GTF3C4: variants seen among roughly 807,000 people sequenced by gnomAD.
GTF3C4 encodes the protein general transcription factor 3C polypeptide 4.
GTF3C4 carries 28 observed loss-of-function variants against 67.5 expected under a neutral mutation model. The ratio of observed to expected loss-of-function variants is 0.41; its 90% CI spans 0.31 to 0.57. GTF3C4 has a LOEUF of 0.57. GTF3C4 is among the 20% of genes least tolerant of loss of function. The pLI is 0.21. For synonymous variants in GTF3C4, 409 were observed against 393.0 expected (o/e 1.04, Z -0.48); for missense variants, 831 against 1,033.2 (o/e 0.80, Z 2.68).
At chr9:132,684,553 C>T (rs1189970949) in intron 3 of GTF3C4, among the ~76,000 whole-genome samples, 4 of 152,184 alleles carry the variant, frequency 2.6e-5, no homozygotes, top group South Asian at 2.1e-4. Flanking sequence ...ATCCACAAGA[C>T]GCCACACAGC....
intron 4 of GTF3C4, among the ~76,000 whole-genome samples, chr9:132,688,600 T>C (rs1310768734): frequency 2.0e-5 from 3 of 152,258 alleles, no homozygotes; most frequent in Non-Finnish European, 4.4e-5. Context: ...TACTCCTTTC[T>C]TTAAATTGAA....
chr9:132,683,563 G>T lies in GTF3C4; in HGVS notation c.2185G>T (p.Val729Leu). 1 of 1,610,362 alleles carries T rather than the reference G, an allele frequency of 6.2e-7. No individual in the cohort carries two copies. The highest frequency in any genetic ancestry group is 8.5e-7 in the Non-Finnish European group (1 of 1,179,134). ...DEEYDDRTAR[V>L]LIGHISKKMN... ...TTTGCTGACTACTTTGTCTTACTAG[G>T]TGCTGATTGGACATATCTCAAAGAA... Residue 729 changes from valine (V) to leucine (L), a missense_variant and splice_region_variant, in exon 3 of 5, where the codon GTG (valine) becomes TTG (leucine). By Grantham distance (32) the Val-to-Leu change is conservative. Transcript: ENST00000372146.
At position 132,670,911 on chromosome 9, in the gene GTF3C4, C is replaced by T. The variant is rs1835723751; in HGVS notation, c.313C>T (p.His105Tyr). 6.2e-7 allele frequency: 1 copy of T among 1,612,506 alleles called. No homozygotes were observed. Residue 105 changes from histidine to tyrosine, a missense_variant, in exon 1 of 5, where the codon CAC becomes TAC. By Grantham distance (83) the His-to-Tyr change is moderately conservative (BLOSUM62 2). Transcript: ENST00000372146. ...CAACCCGGGCCAGGACCTGGTTATC[C>T]ACCGCACCTCGGTGCCCGCACCGCT... Reference protein sequence around the residue: ...VHNPGQDLVIHRTSVPAPLNS... With the variant: ...VHNPGQDLVIYRTSVPAPLNS...
At chr9:132,674,303 A>G (rs1169849018) in intron 1 of GTF3C4, among the ~76,000 whole-genome samples, 2 of 152,270 alleles carry the variant, frequency 1.3e-5, no homozygotes, top group East Asian at 1.9e-4. Flanking sequence ...GGACTTTTTA[A>G]GTATACTCCT....
In GTF3C4 at chr9:132,679,350, G is replaced by C; in HGVS notation, c.1731G>C (p.Lys577Asn). Residue 577 changes from lysine to asparagine, a missense_variant, in exon 2 of 5, where the codon AAG (lysine) becomes AAC (asparagine). By Grantham distance (94) the Lys-to-Asn change is moderately conservative (BLOSUM62 0). This residue lies in a region of GTF3C4 where 390 missense variants were observed against 540.3 expected (regional missense o/e 0.72). Coordinates refer to ENST00000372146, the MANE Select transcript of GTF3C4 (RefSeq NM_012204.4). The surrounding 1 kb of genome is among the most constrained non-coding windows in gnomAD (Gnocchi z 5.9). ...SSGVTYFWRF[K>N]LFLLRILYQS... is the part of the protein sequence containing the mutation. ...GAGTCACCTATTTTTGGCGTTTTAA[G>C]CTTTTCCTCCTGAGGATTTTATATC... 1 of 1,614,150 alleles carries C rather than the reference G, an allele frequency of 6.2e-7. No individual in the cohort carries two copies. The highest frequency in any genetic ancestry group is 8.5e-7 in the Non-Finnish European group (1 of 1,180,022).
At chr9:132,683,426 C>CAA in intron 2 of GTF3C4, 137 bp from the exon 3 acceptor site, 2 of 707,872 alleles carry the variant, frequency 2.8e-6, no homozygotes, top group East Asian at 5.8e-5. Context: ...TGTGGAAATG[C>CAA]AAATCTCCTG....
intron 3 of GTF3C4, 128 bp downstream of exon 3, chr9:132,683,821 C>A: frequency 2.2e-6 from 2 of 905,140 alleles, no homozygotes; most frequent in Non-Finnish European, 3.3e-6. Flanking sequence ...TGGAGAAAAG[C>A]TGCTATTATA....
upstream of GTF3C4, chr9:132,670,099 C>G (rs754009793): frequency 1.3e-6 from 2 of 1,566,116 alleles, no homozygotes; most frequent in East Asian, 2.4e-5. Context: ...GACGGCGGCA[C>G]CGGGCGGGTA....
rs754894300 is a variant in GTF3C4 at position 132,670,556 on chromosome 9, T to C, written c.-43T>C. On this transcript the variant is annotated 5_prime_UTR_variant, in exon 1 of 5. Transcript: ENST00000372146. ...GCGGTCCGGGAGGTGGTCGCGCGAC[T>C]GCGTGGAGCGCCAGGGCGTCCGACC... 1 of 1,342,872 alleles carries C rather than the reference T, an allele frequency of 7.4e-7. No homozygotes were observed. 83.2% of individuals were successfully genotyped at this position (1,342,872 alleles called of 1,614,324 possible). A position where few individuals can be genotyped will look rare whatever the true frequency, so the allele number is the denominator to read the frequency against.
intron 2 of GTF3C4, among the ~76,000 whole-genome samples, chr9:132,681,662 T>G (rs746888327): frequency 3.9e-5 from 6 of 152,172 alleles, no homozygotes; most frequent in Non-Finnish European, 7.3e-5. Context: ...ATATCTATGT[T>G]TTATACGTAA....
At chr9:132,681,123 C>T (rs1050882633) in intron 2 of GTF3C4, among the ~76,000 whole-genome samples, 1 of 152,072 alleles carries the variant, frequency 6.6e-6, no homozygotes, top group Non-Finnish European at 1.5e-5. Flanking sequence ...AATTTTTAAA[C>T]GTTGTTTCAT....
At chr9:132,673,384 T>C (rs988424335) in intron 1 of GTF3C4, among the ~76,000 whole-genome samples, 3 of 151,122 alleles carry the variant, frequency 2.0e-5, no homozygotes, top group Admixed American at 1.3e-4. Flanking sequence ...TTCTATGAAA[T>C]TAATTAGTAA....
rs759779139 is a variant in GTF3C4 at position 132,678,421 on chromosome 9, T to G, written c.802T>G (p.Cys268Gly). ...CCAGCAGGTCAAGCATAACAACGAATGCCGGGACGTTGGCAGTGTGCTCCT... is the reference window on the plus strand; with the variant it reads ...CCAGCAGGTCAAGCATAACAACGAAGGCCGGGACGTTGGCAGTGTGCTCCT... ...TTQQVKHNNECRDVGSVLLAV... is the reference protein window; with the variant it reads ...TTQQVKHNNEGRDVGSVLLAV... Residue 268 changes from cysteine (C) to glycine (G), a missense_variant, in exon 2 of 5, where the codon TGC becomes GGC. Physicochemically the swap from Cys to Gly is radical, Grantham distance 159 (BLOSUM62 -3). This residue lies in a region of GTF3C4 where 390 missense variants were observed against 540.3 expected (regional missense o/e 0.72). Coordinates refer to ENST00000372146, the MANE Select transcript of GTF3C4 (RefSeq NM_012204.4). This position sits in a 1 kb window ranked among gnomAD's most constrained non-coding sequence, Gnocchi z 6.5. The G allele has an allele frequency of 6.2e-7, 1 of 1,614,226 alleles. No homozygotes were observed. The highest frequency in any genetic ancestry group is 8.5e-7 in the Non-Finnish European group (1 of 1,180,042).
intron 1 of GTF3C4, among the ~76,000 whole-genome samples, chr9:132,676,773 T>C (rs1160233688): frequency 1.3e-5 from 2 of 152,228 alleles, no homozygotes; most frequent in African/African-American, 4.8e-5. Flanking sequence ...GGCTTGAACA[T>C]TTAAACTCAT....
rs573535287 is a variant in GTF3C4, at chr9:132,678,248, A to C, written c.629A>C (p.Glu210Ala). The change falls in exon 2 of 5, where the codon GAG becomes GCG. Residue 210 changes from glutamate to alanine, a missense_variant. By Grantham distance (107) the Glu-to-Ala change is moderately radical. This residue lies in a region of GTF3C4 where 390 missense variants were observed against 540.3 expected (regional missense o/e 0.72). Coordinates refer to ENST00000372146, the MANE Select transcript of GTF3C4 (RefSeq NM_012204.4). This position sits in a 1 kb window ranked among gnomAD's most constrained non-coding sequence, Gnocchi z 6.5. ...TGGGTCCAGCTGGTTGACCTGACTG[A>C]GATCTATGGAGAACGTCTTTATGAG... ...LQWVQLVDLT[E>A]IYGERLYETS... is the part of the protein sequence containing the mutation. 2 of 1,614,218 alleles carry C rather than the reference A, an allele frequency of 1.2e-6. No individual in the cohort carries two copies. The highest frequency in any genetic ancestry group is 2.2e-5 in the South Asian group (2 of 91,080).
chr9:132,690,213 G>C lies in GTF3C4; in HGVS notation c.*1268G>C, dbSNP rs1009951963. The C allele has an allele frequency of 2.6e-5, 4 of 152,366 alleles. No homozygotes were observed. Among genetic ancestry groups the C allele is most frequent in the African/African-American group, 9.7e-5 (4 of 41,444 alleles). 9.4% of individuals were successfully genotyped at this position (152,366 alleles called of 1,614,324 possible). A position where few individuals can be genotyped will look rare whatever the true frequency, so the allele number is the denominator to read the frequency against. ...AATCCCAGCACTTTGGGAGGCCGAG[G>C]CAGACGGGTCACTTGAGGCCAGGAG... On this transcript the variant is annotated 3_prime_UTR_variant, in exon 5 of 5. Transcript: ENST00000372146.
intron 2 of GTF3C4, among the ~76,000 whole-genome samples, chr9:132,683,345 T>A (rs1224305207): frequency 1.3e-5 from 2 of 152,240 alleles, no homozygotes; most frequent in Admixed American, 1.3e-4. Context: ...TGAATAAATT[T>A]ATTTTATTTA....
At chr9:132,673,598 T>C (rs1308582847) in intron 1 of GTF3C4, among the ~76,000 whole-genome samples, 1 of 152,178 alleles carries the variant, frequency 6.6e-6, no homozygotes, top group African/African-American at 2.4e-5. Context: ...ACTCCACCCA[T>C]TGGCAGTCTG....
chr9:132,678,758 A>T lies in GTF3C4; in HGVS notation c.1139A>T (p.Tyr380Phe). The T allele has an allele frequency of 6.2e-7, 1 of 1,614,132 alleles. No individual in the cohort carries two copies. The highest frequency in any genetic ancestry group is 8.5e-7 in the Non-Finnish European group (1 of 1,179,952). Residue 380 changes from tyrosine (Y) to phenylalanine (F), a missense_variant, in exon 2 of 5, where the codon TAT (tyrosine) becomes TTT (phenylalanine). This residue lies in a region of GTF3C4 where 390 missense variants were observed against 540.3 expected (regional missense o/e 0.72). Transcript: ENST00000372146. The surrounding 1 kb of genome is among the most constrained non-coding windows in gnomAD (Gnocchi z 6.5). ...PVHSIKCVPL[Y>F]HPYQKCSCSL... ...CACAGTATCAAATGTGTGCCACTTT[A>T]TCATCCTTACCAGAAGTGTAGTTGC... is the stretch of plus-strand genomic sequence containing the variant.
Sources: allele counts gnomAD v4.1 joint callset (sites outside exome capture counted in the v4.1 genomes callset), GRCh38; gene constraint gnomAD v4.1.1; regional missense constraint gnomAD v4.1.1; non-coding constraint Gnocchi (gnomAD v3.1); transcripts MANE v1.5; gene names NCBI Gene and HGNC (gene_info 2026-07-23, HGNC 2026-07-21).